PLEKHA7: variants seen among roughly 807,000 people sequenced by gnomAD.
PLEKHA7 encodes pleckstrin homology domain-containing family A member 7.
In PLEKHA7, 104 loss-of-function variants were observed where a neutral mutation model predicts 170.0. The observed-to-expected ratio is 0.61, with a 90% CI of 0.52 to 0.72. The LOEUF is 0.72. Among genes scored for constraint, PLEKHA7 ranks in the 30% least tolerant of loss-of-function variants. The probability of loss-of-function intolerance (pLI) is 0.00; values close to 1 mark genes in which losing one functional copy is unlikely to be tolerated. For missense variants in PLEKHA7, 1,615 were observed against 1,671.7 expected, an observed-to-expected ratio of 0.97 and a Z score of 0.59; for synonymous variants, 648 against 660.8, an observed-to-expected ratio of 0.98 and a Z score of 0.30.
At chr11:16,790,602 A>G (rs1847772403) in intron 21 of PLEKHA7, 196 bp downstream of exon 21, 3 of 591,050 alleles carry the variant, frequency 5.1e-6, no homozygotes, top group Non-Finnish European at 9.0e-6. Context: ...CAGATGTAAC[A>G]AAAGAGGAAG....
chr11:17,005,585 C>A (rs1864938841), intron 3 of PLEKHA7, among the ~76,000 whole-genome samples: 1 of 152,124 alleles, frequency 6.6e-6, no homozygotes, highest in African/African-American at 2.4e-5. Context: ...CATCAAGGCA[C>A]AAGAAACCTA....
chr11:16,937,292 G>A (rs894469060), intron 3 of PLEKHA7, among the ~76,000 whole-genome samples: 5 of 152,150 alleles, frequency 3.3e-5, no homozygotes, highest in African/African-American at 1.2e-4. Context: ...GGTATACCAT[G>A]TGCCAAGATT....
chr11:16,821,446 C>T (rs1006088720), intron 10 of PLEKHA7, among the ~76,000 whole-genome samples: 8 of 152,124 alleles, frequency 5.3e-5, no homozygotes, highest in Non-Finnish European at 1.0e-4. Context: ...CTCCCACAAA[C>T]CATATCCTAA....
intron 9 of PLEKHA7, among the ~76,000 whole-genome samples, chr11:16,832,377 T>C (rs1282163630): frequency 6.6e-6 from 1 of 152,230 alleles, no homozygotes; most frequent in Non-Finnish European, 1.5e-5. Context: ...TATCACAGAA[T>C]GCTATTTGTC....
At chr11:16,898,387 A>G (rs755627684) in intron 3 of PLEKHA7, among the ~76,000 whole-genome samples, 39 of 152,234 alleles carry the variant, frequency 2.6e-4, no homozygotes, top group Non-Finnish European at 1.0e-4. Context: ...GCCCAAGATT[A>G]GATTTGAGTG....
At chr11:16,829,877 G>C (rs907290271) in intron 9 of PLEKHA7, among the ~76,000 whole-genome samples, 1 of 151,396 alleles carries the variant, frequency 6.6e-6, no homozygotes, top group African/African-American at 2.4e-5. Flanking sequence ...TTTTTCACAC[G>C]ATAGGTTTTA....
intron 3 of PLEKHA7, among the ~76,000 whole-genome samples, chr11:16,906,845 T>G (rs1280038292): frequency 7.7e-6 from 1 of 130,338 alleles, no homozygotes; most frequent in South Asian, 2.7e-4. Flanking sequence ...GTGAGGAGCA[T>G]CTCTGCCCGG....
chr11:16,856,942 G>A (rs1001867656), intron 4 of PLEKHA7, among the ~76,000 whole-genome samples: 8 of 152,174 alleles, frequency 5.3e-5, no homozygotes, highest in Non-Finnish European at 5.9e-5. Flanking sequence ...CTGAAGAGTG[G>A]AGAAAATCTG....
At chr11:16,962,289 A>C (rs1472154154) in intron 3 of PLEKHA7, among the ~76,000 whole-genome samples, 1 of 152,154 alleles carries the variant, frequency 6.6e-6, no homozygotes, top group Non-Finnish European at 1.5e-5. Context: ...CACAGTGTCC[A>C]CCTGATGGGG....
At chr11:16,781,617 G>A (rs1395891511) in intron 26 of PLEKHA7, among the ~76,000 whole-genome samples, 1 of 152,212 alleles carries the variant, frequency 6.6e-6, no homozygotes, top group Non-Finnish European at 1.5e-5. Context: ...CGAAGGGACA[G>A]AGGACAGCCA....
rs1443244767 is a variant in PLEKHA7 at position 16,780,955 on chromosome 11, G to A, written c.3793+1799C>T. The stretch of plus-strand genomic sequence containing the variant: ...AGGGGCTCTTACTTGGAAGGTGTTA[G>A]ACAAAGGTGTAGTGGAGTCCGTTGG... On this transcript the variant is annotated intron_variant, in intron 26 of 26. Transcript: ENST00000531066. The A allele has an allele frequency of 1.7e-5, 17 of 984,530 alleles. No homozygotes were observed. The South Asian group carries it at 1.9e-4, about 11-fold the overall frequency. 61.0% of individuals were successfully genotyped at this position (984,530 alleles called of 1,614,324 possible).
chr11:16,806,766 C>A (rs1170039725), intron 13 of PLEKHA7, among the ~76,000 whole-genome samples: 1 of 152,178 alleles, frequency 6.6e-6, no homozygotes, highest in East Asian at 1.9e-4. Context: ...TCTGAGGATA[C>A]CCTGGCTCTT....
chr11:16,962,495 C>T (rs1156394134), intron 3 of PLEKHA7, among the ~76,000 whole-genome samples: 9 of 152,192 alleles, frequency 5.9e-5, no homozygotes, highest in Admixed American at 5.9e-4. Context: ...CAGTCTCATA[C>T]CATTGCCCAG....
chr11:16,961,135 C>A (rs1015014309), intron 3 of PLEKHA7, among the ~76,000 whole-genome samples: 9 of 152,200 alleles, frequency 5.9e-5, no homozygotes, highest in Non-Finnish European at 5.9e-5. Context: ...AAACACAAAA[C>A]CCTCAAGTTT....
chr11:17,012,161 G>A (rs1865356877), intron 3 of PLEKHA7, among the ~76,000 whole-genome samples: 1 of 152,114 alleles, frequency 6.6e-6, no homozygotes, highest in Admixed American at 6.6e-5. Context: ...CACAGTGATC[G>A]TTCTAAAAAC....
In PLEKHA7 at chr11:16,789,688, A is replaced by C; in HGVS notation, c.3156+87T>G. On this transcript the variant is annotated intron_variant, in intron 22 of 26. Coordinates refer to ENST00000531066, the MANE Select transcript of PLEKHA7 (RefSeq NM_001329630.2). This position sits in a 1 kb window ranked among gnomAD's most constrained non-coding sequence, Gnocchi z 4.6. ...CCCCAGAGGCCATCCCCAGGGCTGA[A>C]GGGATGGCCAGTTACTGTCCCCCTG... The C allele has an allele frequency of 8.3e-7, 1 of 1,211,598 alleles. No individual in the cohort carries two copies. Among genetic ancestry groups the C allele is most frequent in the Non-Finnish European group, 1.2e-6 (1 of 843,580 alleles). The allele number at this position is 1,211,598 out of a possible 1,614,324, so 75.1% of individuals were successfully genotyped here. A position where few individuals can be genotyped will look rare whatever the true frequency, so the allele number is the denominator to read the frequency against.
At chr11:16,846,790 T>C (rs1234939217) in intron 8 of PLEKHA7, among the ~76,000 whole-genome samples, 3 of 152,162 alleles carry the variant, frequency 2.0e-5, no homozygotes, top group African/African-American at 7.2e-5. Context: ...TTGGGAGGTA[T>C]AAGCACTGTC....
chr11:16,972,726 A>T (rs940012842), intron 3 of PLEKHA7, among the ~76,000 whole-genome samples: 2 of 152,162 alleles, frequency 1.3e-5, no homozygotes, highest in African/African-American at 4.8e-5. Context: ...TGGTCAAAAC[A>T]TATTTTAAAA....
At position 16,916,210 on chromosome 11, in the gene PLEKHA7, G is replaced by A. The variant is rs1858663609; in HGVS notation, c.222-45028C>T. ...CCTTCGCCCACTTGTTAATGGGGTT[G>A]TTTGTTTTTTCTTGTAAATTTGAGT... is the stretch of plus-strand genomic sequence containing the variant. On this transcript the variant is annotated intron_variant, in intron 3 of 26. Transcript: ENST00000531066. 2.0e-5 allele frequency among the ~76,000 whole-genome samples: 3 copies of A among 152,202 alleles called. No individual in the cohort carries two copies. The South Asian group carries it at 6.2e-4, about 32-fold the overall frequency.
Sources: gnomAD v4.1 joint callset for allele counts (sites outside exome capture counted in the v4.1 genomes callset) on GRCh38, gnomAD v4.1.1 for gene constraint, Gnocchi (gnomAD v3.1) non-coding constraint, MANE v1.5 for transcripts, NCBI Gene and HGNC (gene_info 2026-07-23, HGNC 2026-07-21) for gene names.